The following FNBP1 variants were observed in gnomAD, a reference collection of about 807,000 sequenced individuals.
The protein encoded by FNBP1 is formin binding protein 1.
In FNBP1, 26 loss-of-function variants were observed where a neutral mutation model predicts 90.6. That is an observed-to-expected ratio of 0.29 (90% CI 0.21 to 0.40). The LOEUF (loss-of-function observed/expected upper bound fraction) is 0.40. Ranked by LOEUF, FNBP1 falls within the 10% of genes least tolerant of loss-of-function variation. The pLI is 1.00. For missense variants in FNBP1, 635 were observed against 768.0 expected (o/e 0.83, Z 2.05); for synonymous variants, 260 against 265.2 (o/e 0.98, Z 0.19).
At chr9:129,961,649 C>A (rs151217458) in intron 4 of FNBP1, among the ~76,000 whole-genome samples, 2 of 152,116 alleles carry the variant, frequency 1.3e-5, no homozygotes, top group African/African-American at 2.4e-5. Context: ...TTCACTGAGA[C>A]CTCTGCCTCC....
intron 1 of FNBP1, among the ~76,000 whole-genome samples, chr9:130,012,650 T>TTGTTA (rs2056766538): frequency 1.3e-5 from 2 of 152,162 alleles, no homozygotes; most frequent in African/African-American, 4.8e-5. Context: ...TTGTTTTGTT[T>TTGTTA]TTTAATTGAG....
At chr9:130,000,562 T>C (rs1360937924) in intron 1 of FNBP1, among the ~76,000 whole-genome samples, 1 of 152,192 alleles carries the variant, frequency 6.6e-6, no homozygotes, top group Non-Finnish European at 1.5e-5. Context: ...ATCTTCCAAC[T>C]GTTGAAACAT....
In FNBP1 at chr9:129,900,385, AGGCTCCCTTGCCAG is replaced by A; in HGVS notation, c.1550+27_1550+40del. The A allele has an allele frequency of 3.4e-6, 5 of 1,486,710 alleles. No homozygotes were observed. The South Asian group carries it at 5.6e-5, about 17-fold the overall frequency. The allele number at this position is 1,486,710 out of a possible 1,614,324, so 92.1% of individuals were successfully genotyped here. ...ATTTAGAAATAAATACAAAGCCAAC[AGGCTCCCTTGCCAG>A]AGGCAGGCGCTGTGCAGATACTGTA... On this transcript the variant is annotated intron_variant, in intron 14 of 16. Transcript: ENST00000446176. This position sits in a 1 kb window ranked among gnomAD's most constrained non-coding sequence, Gnocchi z 4.1.
At chr9:129,893,637 AGCC>A (rs2035351089) in intron 16 of FNBP1, among the ~76,000 whole-genome samples, 43 of 62,242 alleles carry the variant, frequency 6.9e-4, no homozygotes, top group South Asian at 2.5e-3. Context: ...AAAAAAAAAA[AGCC>A]AGGCACGGGC....
chr9:129,920,767 A>G (rs1049395006), intron 10 of FNBP1, among the ~76,000 whole-genome samples: 2 of 152,230 alleles, frequency 1.3e-5, no homozygotes, highest in Non-Finnish European at 2.9e-5. Flanking sequence ...CAAATGGTAA[A>G]CAATCATGAA....
At chr9:129,975,902 TAAA>T (rs34630525) in intron 4 of FNBP1, among the ~76,000 whole-genome samples, 4 of 73,918 alleles carry the variant, frequency 5.4e-5, no homozygotes, top group Admixed American at 3.6e-4. Flanking sequence ...GACTCCATCT[TAAA>T]AAAAAAAAAA....
In FNBP1 at chr9:129,925,081, T is replaced by G; in HGVS notation, c.866A>C (p.Gln289Pro). 6.2e-7 allele frequency: 1 copy of G among 1,613,964 alleles called. No individual in the cohort carries two copies. Residue 289 changes from glutamine to proline, a missense_variant, in exon 9 of 17, where the codon CAG (glutamine) becomes CCG (proline). Gln to Pro is a moderately conservative substitution (Grantham distance 76). Transcript: ENST00000446176. ...PGDIEFEDYTQPMKRTVSDNS... is the reference protein window; with the variant it reads ...PGDIEFEDYTPPMKRTVSDNS... ...ATCTGACACAGTGCGCTTCATTGGCTGAGTGTAATCCTCAAATTCAATGTC... is the reference window on the plus strand; with the variant it reads ...ATCTGACACAGTGCGCTTCATTGGCGGAGTGTAATCCTCAAATTCAATGTC...
intron 8 of FNBP1, 126 bp downstream of exon 8, chr9:129,927,069 G>T: frequency 1.2e-6 from 1 of 865,912 alleles, no homozygotes; most frequent in Non-Finnish European, 1.9e-6. Flanking sequence ...AAGACACAGA[G>T]CATGTGTGAC....
chr9:129,977,587 G>A (rs2050533131), intron 4 of FNBP1, among the ~76,000 whole-genome samples: 1 of 151,612 alleles, frequency 6.6e-6, no homozygotes, highest in African/African-American at 2.4e-5. Flanking sequence ...CACCTCCTGG[G>A]TTCAAGCAAT....
At chr9:130,017,871 GTTTTTT>G (rs373281834) in intron 1 of FNBP1, among the ~76,000 whole-genome samples, 1 of 93,794 alleles carries the variant, frequency 1.1e-5, no homozygotes, top group South Asian at 3.6e-4. Context: ...GTCTAACGTG[GTTTTTT>G]TTTTTTTTTT....
intron 10 of FNBP1, among the ~76,000 whole-genome samples, chr9:129,920,910 T>C (rs991193248): frequency 1.3e-5 from 2 of 152,162 alleles, no homozygotes; most frequent in African/African-American, 4.8e-5. Context: ...CACCCTTGTC[T>C]TGGAAATTCT....
chr9:130,018,304 T>C (rs1393183470), intron 1 of FNBP1, among the ~76,000 whole-genome samples: 1 of 152,036 alleles, frequency 6.6e-6, no homozygotes, highest in Non-Finnish European at 1.5e-5. Context: ...TTTGCCATGT[T>C]AATCATTTTT....
In FNBP1 at chr9:129,923,829, C is replaced by T. The variant is rs749618413; in HGVS notation, c.1170+15G>A. On this transcript the variant is annotated intron_variant, in intron 10 of 16. Transcript: ENST00000446176. Reference sequence around the variant, plus strand: ...AAAGCACGCCAGAGAGACAGGATTCCGGAGCAGAACTTACCCCACGCTTTA... The same window carrying T: ...AAAGCACGCCAGAGAGACAGGATTCTGGAGCAGAACTTACCCCACGCTTTA... The T allele has an allele frequency of 3.2e-5, 50 of 1,557,338 alleles. No homozygotes were observed. Among genetic ancestry groups the T allele is most frequent in the South Asian group, 3.1e-4 (26 of 83,768 alleles).
At chr9:130,025,247 G>A (rs890547219) in intron 1 of FNBP1, among the ~76,000 whole-genome samples, 2 of 151,968 alleles carry the variant, frequency 1.3e-5, no homozygotes, top group South Asian at 2.1e-4. Context: ...TCTATGTACC[G>A]AGTGCCTCAC....
At chr9:130,001,189 G>A (rs1290559761) in intron 1 of FNBP1, among the ~76,000 whole-genome samples, 2 of 151,532 alleles carry the variant, frequency 1.3e-5, no homozygotes, top group East Asian at 2.0e-4. Context: ...AAAATTAGCC[G>A]GGTGTGGTGG....
rs35213636 is a variant in FNBP1, at chr9:129,963,616, CTTTT to C, written c.346-5067_346-5064del. ...GATGCCCATCTTCCTTCCTTCCAGCCTTTTTTTTTTTTTTTTTTAAAAAAACAAG... is the reference window on the plus strand; with the variant it reads ...GATGCCCATCTTCCTTCCTTCCAGCCTTTTTTTTTTTTTTAAAAAAACAAG... On this transcript the variant is annotated intron_variant, in intron 4 of 16. Transcript: ENST00000446176. 8.4e-3 allele frequency among the ~76,000 whole-genome samples: 972 copies of C among 115,300 alleles called. 3 individuals are homozygous for C. Among genetic ancestry groups the C allele is most frequent in the East Asian group, 0.014 (54 of 3,792 alleles). 75.6% of individuals were successfully genotyped at this position (115,300 alleles called of 152,430 possible). A position where few individuals can be genotyped will look rare whatever the true frequency, so the allele number is the denominator to read the frequency against.
chr9:130,053,724 A>G, the FNBP1 span: 4 of 582,534 alleles, frequency 6.9e-6, no homozygotes, highest in Non-Finnish European at 6.1e-6. Flanking sequence ...TCTCTAACTG[A>G]AAGTCTGCAC....
intron 6 of FNBP1, among the ~76,000 whole-genome samples, chr9:129,948,145 C>G (rs1378825583): frequency 1.3e-5 from 2 of 151,738 alleles, no homozygotes; most frequent in African/African-American, 4.8e-5. Context: ...TGGTGGCATG[C>G]CCCTGTGGTC....
chr9:129,978,438 G>A, intron 4 of FNBP1, 27 bp downstream of exon 4: 1 of 1,594,838 alleles, frequency 6.3e-7, no homozygotes, highest in East Asian at 2.2e-5. Flanking sequence ...CATCTTTTAG[G>A]AAGAAAAAGA....
Sources: gnomAD v4.1 joint callset for allele counts (sites outside exome capture counted in the v4.1 genomes callset) on GRCh38, gnomAD v4.1.1 for gene constraint, Gnocchi (gnomAD v3.1) non-coding constraint, MANE v1.5 for transcripts, NCBI Gene and HGNC (gene_info 2026-07-23, HGNC 2026-07-21) for gene names.